STAG1: variants seen among roughly 807,000 people sequenced by gnomAD.
STAG1 encodes cohesin subunit SA-1.
A neutral mutation model predicts 170.9 loss-of-function variants in STAG1; 26 were observed. That is an observed-to-expected ratio of 0.15 (90% CI 0.11 to 0.21). The LOEUF (loss-of-function observed/expected upper bound fraction) is 0.21, where lower values mean the gene tolerates loss of function less well. Among genes scored for constraint, STAG1 ranks in the 10% least tolerant of loss-of-function variants. STAG1 has a pLI of 1.00. For missense variants in STAG1, 964 were observed against 1,509.5 expected, an observed-to-expected ratio of 0.64 and a Z score of 5.99; for synonymous variants, 514 against 497.7, an observed-to-expected ratio of 1.03 and a Z score of -0.44.
intron 22 of STAG1, among the ~76,000 whole-genome samples, chr3:136,390,271 G>A (rs900982992): frequency 6.6e-6 from 1 of 152,170 alleles, no homozygotes; most frequent in Non-Finnish European, 1.5e-5. Context: ...TTTCTAAATC[G>A]AAGATATTTA....
chr3:136,392,931 A>G (rs1314418929), intron 22 of STAG1, among the ~76,000 whole-genome samples: 1 of 152,114 alleles, frequency 6.6e-6, no homozygotes, highest in African/African-American at 2.4e-5. Flanking sequence ...TGAGAACTCT[A>G]CCTTGTATTT....
chr3:136,662,704 C>T (rs957415170), intron 1 of STAG1, among the ~76,000 whole-genome samples: 1 of 152,174 alleles, frequency 6.6e-6, no homozygotes, highest in African/African-American at 2.4e-5. Context: ...CTCAGCCCCC[C>T]AAAGTACTAG....
At chr3:136,479,060 C>CTTTTTTTTTTTTTTTTTTATTTTTT (rs66966875) in intron 9 of STAG1, among the ~76,000 whole-genome samples, 1 of 125,170 alleles carries the variant, frequency 8.0e-6, no homozygotes, top group Non-Finnish European at 1.6e-5. Flanking sequence ...TATAATCTTT[C>CTTTTTTTTTTTTTTTTTTATTTTTT]TTTTTTTTTT....
At chr3:136,695,256 T>C (rs1432335658) in intron 1 of STAG1, among the ~76,000 whole-genome samples, 6 of 152,002 alleles carry the variant, frequency 3.9e-5, no homozygotes, top group African/African-American at 1.5e-4. Context: ...CTGGCCAACA[T>C]AGTGAAACCC....
intron 1 of STAG1, among the ~76,000 whole-genome samples, chr3:136,660,919 T>C (rs1010058099): frequency 2.0e-5 from 3 of 152,024 alleles, no homozygotes; most frequent in South Asian, 2.1e-4. Flanking sequence ...AAGTAAGCCA[T>C]GATTGTGTCA....
intron 1 of STAG1, among the ~76,000 whole-genome samples, chr3:136,698,992 T>C (rs2107905548): frequency 6.6e-6 from 1 of 152,240 alleles, no homozygotes; most frequent in South Asian, 2.1e-4. Context: ...ATGCTCTCAC[T>C]TCGAAGTGGG....
chr3:136,698,137 CA>C (rs1942953726), intron 1 of STAG1, among the ~76,000 whole-genome samples: 1 of 151,832 alleles, frequency 6.6e-6, no homozygotes, highest in Admixed American at 6.6e-5. Flanking sequence ...ACCTCAAAAG[CA>C]AATGCAACAA....
At chr3:136,542,748 C>T (rs1935968446) in intron 5 of STAG1, among the ~76,000 whole-genome samples, 2 of 151,706 alleles carry the variant, frequency 1.3e-5, no homozygotes, top group South Asian at 2.1e-4. Context: ...ATATTAATGA[C>T]GATGGTGGTG....
At chr3:136,447,944 G>A (rs1455200458) in intron 14 of STAG1, among the ~76,000 whole-genome samples, 2 of 152,026 alleles carry the variant, frequency 1.3e-5, no homozygotes, top group Non-Finnish European at 2.9e-5. Flanking sequence ...ATAAATTCTA[G>A]AGTCATACTA....
chr3:136,591,233 AAGGGAGGG>A (rs895927331), intron 4 of STAG1, among the ~76,000 whole-genome samples: 1 of 129,206 alleles, frequency 7.7e-6, no homozygotes, highest in Non-Finnish European at 1.7e-5. Context: ...AAAAAAAAAG[AAGGGAGGG>A]AGGGAGGGAG....
chr3:136,432,718 G>A (rs1461112466), intron 16 of STAG1, among the ~76,000 whole-genome samples: 1 of 152,102 alleles, frequency 6.6e-6, no homozygotes, highest in African/African-American at 2.4e-5. Context: ...TGTTGGCCAG[G>A]CTGGTCTTGA....
intron 1 of STAG1, chr3:136,736,438 C>T (rs758190905): frequency 7.4e-6 from 9 of 1,220,174 alleles, no homozygotes; most frequent in South Asian, 1.2e-5. Flanking sequence ...ATGAGTCCTT[C>T]GAAGCAGGAA....
chr3:136,469,420 C>A (rs1163260751), intron 12 of STAG1, among the ~76,000 whole-genome samples: 2 of 152,144 alleles, frequency 1.3e-5, no homozygotes, highest in Non-Finnish European at 2.9e-5. Flanking sequence ...AGGAATCCAA[C>A]TTACAAGGGA....
At chr3:136,435,906 G>A (rs1397562128) in intron 15 of STAG1, among the ~76,000 whole-genome samples, 1 of 152,092 alleles carries the variant, frequency 6.6e-6, no homozygotes, top group East Asian at 1.9e-4. Context: ...CTGACCTCGT[G>A]ATCCACCCGT....
intron 9 of STAG1, among the ~76,000 whole-genome samples, chr3:136,493,074 T>G (rs771809985): frequency 6.6e-6 from 1 of 152,188 alleles, no homozygotes; most frequent in Admixed American, 6.5e-5. Context: ...CCAGGCATGA[T>G]AGTTCACACC....
chr3:136,376,016 C>CAAAACAAAATAAAATAAAATAAAAT (rs1937589152), intron 23 of STAG1, among the ~76,000 whole-genome samples: 2 of 115,542 alleles, frequency 1.7e-5, no homozygotes, highest in East Asian at 7.0e-4. Flanking sequence ...AAATAATTAA[C>CAAAACAAAATAAAATAAAATAAAAT]AAAATAAAAT....
chr3:136,626,285 G>A (rs148377395), intron 2 of STAG1, among the ~76,000 whole-genome samples: 1 of 151,912 alleles, frequency 6.6e-6, no homozygotes, highest in African/African-American at 2.4e-5. Flanking sequence ...AATTATCCAG[G>A]CATGGTGGTG....
chr3:136,685,854 A>G (rs1323275809), intron 1 of STAG1, among the ~76,000 whole-genome samples: 2 of 152,232 alleles, frequency 1.3e-5, no homozygotes, highest in African/African-American at 4.8e-5. Flanking sequence ...CTGGGAATAT[A>G]TAAAACCAGA....
Position 136,398,770 on chromosome 3 carries a change from A to G in STAG1, c.2256T>C (p.Ile752=). 1 of 1,604,198 alleles carries G rather than the reference A, an allele frequency of 6.2e-7. No individual in the cohort carries two copies. The change falls in exon 22 of 34, where the codon ATT becomes ATC. Residue 752 remains isoleucine, a synonymous_variant. Coordinates refer to ENST00000383202, the MANE Select transcript of STAG1 (RefSeq NM_005862.3). ...TTACTTTGGAAGGAGAGCCATCAGT[A>G]ATTTTCACCAACTGCCAAAGAATCG... ...HYSILWQLVK[I]TDGSPSKEDL...
Sources: gnomAD v4.1 joint callset for allele counts (sites outside exome capture counted in the v4.1 genomes callset) on GRCh38, gnomAD v4.1.1 for gene constraint, MANE v1.5 for transcripts, NCBI Gene and HGNC (gene_info 2026-07-23, HGNC 2026-07-21) for gene names.